Variants in CELF2 observed in about 807,000 individuals in gnomAD.
The protein encoded by CELF2 is CUGBP Elav-like family member 2.
Under a neutral mutation model 62.6 loss-of-function variants are expected in CELF2, and 8 were observed. That is an observed-to-expected ratio of 0.13 (90% CI 0.07 to 0.23). CELF2 has a LOEUF of 0.23. CELF2 is among the 10% of genes least tolerant of loss of function. The pLI is 1.00. For missense variants in CELF2, 333 were observed against 671.0 expected (o/e 0.50, Z 5.56); for synonymous variants, 258 against 250.0 (o/e 1.03, Z -0.30).
chr10:10,731,783 G>A, the CELF2 span, among the ~76,000 whole-genome samples: 1 of 152,156 alleles, frequency 6.6e-6, no homozygotes, highest in African/African-American at 2.4e-5. Context: ...AGGAACAGAA[G>A]AAGGAATGTT....
chr10:10,831,404 T>C (rs1255205677), intron 1 of CELF2, among the ~76,000 whole-genome samples: 5 of 152,200 alleles, frequency 3.3e-5, no homozygotes, highest in African/African-American at 1.2e-4. Flanking sequence ...GCACAGACTG[T>C]TGTGTGTCAA....
chr10:11,209,884 G>C (rs2061385383), intron 2 of CELF2, among the ~76,000 whole-genome samples: 1 of 152,106 alleles, frequency 6.6e-6, no homozygotes, highest in African/African-American at 2.4e-5. Flanking sequence ...GTCCTCTTTT[G>C]ACTTAAACTG....
chr10:11,046,080 G>A lies in CELF2; in HGVS notation c.74+27917G>A, dbSNP rs1241249390. The stretch of plus-strand genomic sequence containing the variant: ...AGAGTTTGAACATACAGGGAGACCA[G>A]CTGACTTGAGCTGTCTACACCTTCC... On this transcript the variant is annotated intron_variant, in intron 1 of 12. Coordinates refer to ENST00000633077, the MANE Select transcript of CELF2 (RefSeq NM_001326342.2). This position sits in a 1 kb window ranked among gnomAD's most constrained non-coding sequence, Gnocchi z 4.6. 2.0e-5 allele frequency among the ~76,000 whole-genome samples: 3 copies of A among 152,212 alleles called. No homozygotes were observed. The highest frequency in any genetic ancestry group is 4.8e-5 in the African/African-American group (2 of 41,440).
chr10:10,547,690 A>T, the CELF2 span, among the ~76,000 whole-genome samples: 12 of 131,040 alleles, frequency 9.2e-5, no homozygotes, highest in African/African-American at 3.0e-4. Flanking sequence ...AGAGAGAGAG[A>T]GAGTGTGTGT....
intron 1 of CELF2, among the ~76,000 whole-genome samples, chr10:11,133,189 G>A (rs982243556): frequency 2.0e-5 from 3 of 152,164 alleles, no homozygotes; most frequent in South Asian, 2.1e-4. Context: ...AACTTCTCCC[G>A]AAGAGATCTT....
At chr10:10,836,656 T>A (rs939934702) in intron 1 of CELF2, among the ~76,000 whole-genome samples, 21 of 152,226 alleles carry the variant, frequency 1.4e-4, no homozygotes, top group Non-Finnish European at 2.2e-4. Flanking sequence ...ATTTTATTTT[T>A]TTTGAGATGG....
At chr10:10,749,517 A>G in the CELF2 span, among the ~76,000 whole-genome samples, 1 of 152,254 alleles carries the variant, frequency 6.6e-6, no homozygotes, top group Non-Finnish European at 1.5e-5. Context: ...ATATCAAAAT[A>G]CTGATACAAT....
intron 1 of CELF2, among the ~76,000 whole-genome samples, chr10:11,028,735 T>TGG (rs1383691787): frequency 2.4e-5 from 2 of 82,280 alleles, no homozygotes; most frequent in Non-Finnish European, 5.8e-5. Flanking sequence ...TTTTTTTTTT[T>TGG]GGGAGATGGA....
the CELF2 span, among the ~76,000 whole-genome samples, chr10:10,691,626 G>C: frequency 6.6e-6 from 1 of 151,670 alleles, no homozygotes; most frequent in Non-Finnish European, 1.5e-5. Context: ...CCCACCAACA[G>C]TGTAAAAGTG....
intron 1 of CELF2, among the ~76,000 whole-genome samples, chr10:10,847,411 A>G (rs997115572): frequency 6.6e-6 from 1 of 152,218 alleles, no homozygotes; most frequent in Non-Finnish European, 1.5e-5. Context: ...AAAATGCTGT[A>G]GGAAGACAAA....
chr10:10,540,159 G>C, the CELF2 span, among the ~76,000 whole-genome samples: 1 of 152,214 alleles, frequency 6.6e-6, no homozygotes, highest in Non-Finnish European at 1.5e-5. Context: ...CAGATGAAAA[G>C]GGACTTCAAA....
intron 1 of CELF2, among the ~76,000 whole-genome samples, chr10:10,857,201 C>A (rs1302060261): frequency 6.6e-6 from 1 of 152,094 alleles, no homozygotes; most frequent in Non-Finnish European, 1.5e-5. Context: ...TGACTGCTAA[C>A]CTTCTCATGC....
chr10:11,035,164 T>G (rs2060753482), intron 1 of CELF2, among the ~76,000 whole-genome samples: 1 of 152,218 alleles, frequency 6.6e-6, no homozygotes, highest in South Asian at 2.1e-4. Flanking sequence ...TAACCCAAAC[T>G]TTTCCACCAA....
chr10:10,539,861 G>A, the CELF2 span, among the ~76,000 whole-genome samples: 1 of 152,228 alleles, frequency 6.6e-6, no homozygotes, highest in South Asian at 2.1e-4. Context: ...GAAGCAGAAA[G>A]TAAGACGATA....
the CELF2 span, among the ~76,000 whole-genome samples, chr10:10,631,335 T>C: frequency 6.6e-6 from 1 of 152,170 alleles, no homozygotes; most frequent in Non-Finnish European, 1.5e-5. Context: ...CTGAAACTCT[T>C]CTGTGCAGGC....
chr10:11,304,412 A>G (rs952623897), intron 9 of CELF2, among the ~76,000 whole-genome samples: 2 of 152,190 alleles, frequency 1.3e-5, no homozygotes, highest in African/African-American at 4.8e-5. Flanking sequence ...TGTGGCTTAT[A>G]ACAGAGTACC....
chr10:10,650,858 G>T, the CELF2 span, among the ~76,000 whole-genome samples: 10 of 152,104 alleles, frequency 6.6e-5, no homozygotes, highest in Non-Finnish European at 1.0e-4. Flanking sequence ...AAACGTGGAG[G>T]GGGGAGGAGC....
chr10:10,705,392 G>T, the CELF2 span, among the ~76,000 whole-genome samples: 1 of 151,118 alleles, frequency 6.6e-6, no homozygotes, highest in African/African-American at 2.4e-5. Context: ...AACCCTCAGG[G>T]TGAGACTTTT....
chr10:10,537,016 C>CT, the CELF2 span, among the ~76,000 whole-genome samples: 1 of 151,358 alleles, frequency 6.6e-6, no homozygotes, highest in Non-Finnish European at 1.5e-5. Context: ...GATTCACTTG[C>CT]TGCTGCTGCT....
Sources: allele counts gnomAD v4.1 joint callset (sites outside exome capture counted in the v4.1 genomes callset), GRCh38; gene constraint gnomAD v4.1.1; non-coding constraint Gnocchi (gnomAD v3.1); transcripts MANE v1.5; gene names NCBI Gene and HGNC (gene_info 2026-07-23, HGNC 2026-07-21).